The following WDR83 variants were observed in gnomAD, a reference collection of about 807,000 sequenced individuals.
WDR83 encodes WD repeat domain 83.
In WDR83, 37 loss-of-function variants were observed where a neutral mutation model predicts 37.7. That is an observed-to-expected ratio of 0.98 (90% CI 0.76 to 1.29). The LOEUF (loss-of-function observed/expected upper bound fraction) is 1.29, where lower values mean the gene tolerates loss of function less well. WDR83 is among the 50% of genes most tolerant of loss of function. The pLI is 0.00. For synonymous variants in WDR83, 174 were observed against 181.1 expected, an observed-to-expected ratio of 0.96 and a Z score of 0.31; for missense variants, 445 against 414.4, an observed-to-expected ratio of 1.07 and a Z score of -0.64.
intron 2 of WDR83, chr19:12,669,162 C>T (rs1485323118): frequency 1.9e-6 from 3 of 1,614,020 alleles, no homozygotes. Flanking sequence ...GAAGATCATG[C>T]CCAGCAGGTT....
chr19:12,668,458 G>A lies in WDR83; in HGVS notation c.-156-50G>A, dbSNP rs372025374. ...AGGAGAGAGGTGTCAGTCTAGGATG[G>A]CCAGGCTGGGGTCCCCCCACCCCTT... On this transcript the variant is annotated intron_variant, in intron 1 of 10. Transcript: ENST00000418543. 3.2e-5 allele frequency: 51 copies of A among 1,612,888 alleles called. No homozygotes were observed. The Middle Eastern group carries it at 8.3e-4, about 26-fold the overall frequency.
Position 12,669,624 on chromosome 19 carries a change from A to G in WDR83, c.-36-131A>G, listed in dbSNP as rs540484046. The stretch of plus-strand genomic sequence containing the variant: ...GAAAAGAACCTGAAAGCGGGCTTCA[A>G]TAGTTCCAACCCGATCACCGAAATG... On this transcript the variant is annotated intron_variant, in intron 2 of 10. Transcript: ENST00000418543. The G allele has an allele frequency of 7.5e-6, 7 of 930,086 alleles. No individual in the cohort carries two copies. In the Admixed American group the frequency reaches 1.4e-4, roughly 19 times the overall value. 57.6% of individuals were successfully genotyped at this position (930,086 alleles called of 1,614,324 possible).
rs1361836625 is a variant in WDR83 at position 12,675,547 on chromosome 19, G to A, written c.823G>A (p.Val275Met). Residue 275 changes from valine (V) to methionine (M), a missense_variant, in exon 11 of 11, where the codon GTG becomes ATG. By Grantham distance (21) the Val-to-Met change is conservative. Transcript: ENST00000418543. ...VEGALALALP[V>M]GSGVVQSLAY... ...GGGTGCGCTGGCTCTGGCCCTGCCT[G>A]TGGGTTCCGGTGTGGTGCAGTCGCT... 6 of 1,606,034 alleles carry A rather than the reference G, an allele frequency of 3.7e-6. No homozygotes were observed. Among genetic ancestry groups the A allele is most frequent in the East Asian group, 2.2e-5 (1 of 44,872 alleles).
At chr19:12,672,766 C>T (rs1599371065) in intron 7 of WDR83, 81 bp from the exon 8 acceptor site, 1 of 1,417,792 alleles carries the variant, frequency 7.1e-7, no homozygotes, top group East Asian at 2.5e-5. Context: ...AGAGCAGGCC[C>T]ACTGGGCTGG....
chr19:12,675,154 T>C (rs2145333233), intron 10 of WDR83, among the ~76,000 whole-genome samples: 1 of 151,650 alleles, frequency 6.6e-6, no homozygotes, highest in Non-Finnish European at 1.5e-5. Context: ...AAGCCAGGCA[T>C]GGTGGCTCAC....
Position 12,670,778 on chromosome 19 carries a change from G to A in WDR83, c.463G>A (p.Gly155Ser), listed in dbSNP as rs867366163. 6.2e-7 allele frequency: 1 copy of A among 1,614,122 alleles called. No individual in the cohort carries two copies. Among genetic ancestry groups the A allele is most frequent in the Non-Finnish European group, 8.5e-7 (1 of 1,180,014 alleles). ...GCAGACGCTGGATGAGGCCAGAGAT[G>A]GCGTGTCCAGTGTGAAGGTGTCAGA... ...PVQTLDEARD[G>S]VSSVKVSDHE... The change falls in exon 7 of 11, where the codon GGC becomes AGC. Residue 155 changes from glycine (G) to serine (S), a missense_variant. Physicochemically the swap from Gly to Ser is moderately conservative, Grantham distance 56 (BLOSUM62 0). Coordinates refer to ENST00000418543, the MANE Select transcript of WDR83 (RefSeq NM_001099737.3).
At chr19:12,670,312 T>A in intron 5 of WDR83, 27 bp downstream of exon 5, 9 of 1,609,136 alleles carry the variant, frequency 5.6e-6, no homozygotes, top group Non-Finnish European at 7.6e-6. Flanking sequence ...AGACCCTCAT[T>A]TGAGTGGAGG....
At chr19:12,670,369 C>T (rs2024376350) in intron 5 of WDR83, 84 bp downstream of exon 5, 6 of 1,525,880 alleles carry the variant, frequency 3.9e-6, no homozygotes, top group Non-Finnish European at 5.4e-6. Flanking sequence ...CCCCATTACA[C>T]CGTAAGGATC....
At position 12,672,926 on chromosome 19, in the gene WDR83, T is replaced by C. The variant is rs113957721; in HGVS notation, c.574+12T>C. On this transcript the variant is annotated intron_variant, in intron 8 of 10. Coordinates refer to ENST00000418543, the MANE Select transcript of WDR83 (RefSeq NM_001099737.3). The stretch of plus-strand genomic sequence containing the variant: ...AGACTACGTGGGCAGTGAGTGTGGC[T>C]GGGGATGTGGGACAGGCAGGGAAGA... 10,857 of 1,598,492 alleles carry C rather than the reference T, an allele frequency of 6.8e-3. 619 individuals are homozygous for C. In the African/African-American group the frequency reaches 0.12, roughly 18 times the overall value.
At chr19:12,669,317 C>A (rs1213702636) in intron 2 of WDR83, 2 of 1,605,818 alleles carry the variant, frequency 1.2e-6, no homozygotes, top group South Asian at 2.2e-5. Context: ...TCCACACCCA[C>A]AACCCGAACC....
chr19:12,668,772 C>T, intron 2 of WDR83, 145 bp downstream of exon 2: 1 of 687,328 alleles, frequency 1.5e-6, no homozygotes, highest in Admixed American at 2.1e-5. Flanking sequence ...CTGCTCATGG[C>T]ATACTCTAGA....
chr19:12,670,337 G>A (rs1214991717), intron 5 of WDR83, 52 bp downstream of exon 5: 1 of 1,585,262 alleles, frequency 6.3e-7, no homozygotes, highest in East Asian at 2.2e-5. Context: ...CCGTATTAGC[G>A]CATAGGTGGT....
intron 2 of WDR83, 177 bp from the exon 3 acceptor site, chr19:12,669,578 T>G (rs1053292): frequency 1.0e-6 from 1 of 966,332 alleles, no homozygotes; most frequent in East Asian, 2.6e-5. Context: ...CCAGAAGTCT[T>G]CCTTTCAAAG....
intron 1 of WDR83, 131 bp from the exon 2 acceptor site, chr19:12,668,377 G>A (rs770148822): frequency 1.2e-6 from 2 of 1,613,260 alleles, no homozygotes; most frequent in South Asian, 2.2e-5. Flanking sequence ...GGGGCGTCAT[G>A]GGCTGAGGAT....
rs767722475 is a variant in WDR83 at position 12,673,237 on chromosome 19, A to ACTG, written c.724_726dup (p.Cys242dup). On this transcript the variant is annotated inframe_insertion, in exon 10 of 11. Coordinates refer to ENST00000418543, the MANE Select transcript of WDR83 (RefSeq NM_001099737.3). ...CATAAGAACCAGGAATACAAGCTGGACTGCTGCCTGAGCGAGCGTGACACA... is the reference window on the plus strand; with the variant it reads ...CATAAGAACCAGGAATACAAGCTGGACTGCTGCTGCCTGAGCGAGCGTGACACA... 2.2e-5 allele frequency: 35 copies of ACTG among 1,613,828 alleles called. No homozygotes were observed. Among genetic ancestry groups the ACTG allele is most frequent in the Non-Finnish European group, 2.8e-5 (33 of 1,180,002 alleles).
chr19:12,674,390 G>C (rs1489663013), intron 10 of WDR83, among the ~76,000 whole-genome samples: 4 of 152,344 alleles, frequency 2.6e-5, no homozygotes, highest in East Asian at 3.9e-4. Flanking sequence ...CGGCAAAGGA[G>C]ACATCAGCGC....
chr19:12,672,013 A>G (rs1447922609), intron 7 of WDR83, among the ~76,000 whole-genome samples: 3 of 152,280 alleles, frequency 2.0e-5, no homozygotes, highest in Admixed American at 1.3e-4. Context: ...TATATTTTCT[A>G]TTCATTAAGT....
chr19:12,670,448 T>C (rs1453003927), intron 5 of WDR83, 115 bp from the exon 6 acceptor site: 2 of 1,545,488 alleles, frequency 1.3e-6, no homozygotes, highest in Non-Finnish European at 8.9e-7. Context: ...GTCCTTGCTG[T>C]TCCCCCAAAA....
intron 5 of WDR83, 93 bp downstream of exon 5, chr19:12,670,378 T>A: frequency 2.0e-6 from 3 of 1,519,876 alleles, no homozygotes; most frequent in Non-Finnish European, 2.7e-6. Context: ...ACCGTAAGGA[T>A]CCCTTCCCCA....
Sources: gnomAD v4.1 joint callset for allele counts (sites outside exome capture counted in the v4.1 genomes callset) on GRCh38, gnomAD v4.1.1 for gene constraint, MANE v1.5 for transcripts, NCBI Gene and HGNC (gene_info 2026-07-23, HGNC 2026-07-21) for gene names.